The following P2RY8 variants were observed in gnomAD, a reference collection of about 807,000 sequenced individuals.
The protein encoded by P2RY8 is P2Y receptor family member 8, also known as S-geranylgeranyl-glutathione receptor P2RY8.
In P2RY8, 6 loss-of-function variants were observed where a neutral mutation model predicts 10.0. That is an observed-to-expected ratio of 0.60 (90% CI 0.33 to 1.19). The LOEUF (loss-of-function observed/expected upper bound fraction) is 1.19, where lower values mean the gene tolerates loss of function less well. Ranked by LOEUF, P2RY8 falls within the 50% of genes most tolerant of loss-of-function variation. The pLI is 0.04. For synonymous variants in P2RY8, 276 were observed against 252.5 expected (o/e 1.09, Z -0.88); for missense variants, 456 against 542.0 (o/e 0.84, Z 1.58).
intron 1 of P2RY8, among the ~76,000 whole-genome samples, chrX:1,512,016 G>A (rs2092300828): frequency 6.6e-6 from 1 of 152,022 alleles, no homozygotes; most frequent in Non-Finnish European, 1.5e-5. Flanking sequence ...CTAGCTCCTT[G>A]GTCCAGGGCT....
chrX:1,517,389 A>G (rs1264690755), intron 1 of P2RY8, among the ~76,000 whole-genome samples: 1 of 151,974 alleles, frequency 6.6e-6, no homozygotes, highest in African/African-American at 2.4e-5. Context: ...CTTTTAAACC[A>G]CCTCAGCCTT....
chrX:1,530,065 C>CTTCT (rs1556687043), intron 1 of P2RY8, among the ~76,000 whole-genome samples: 2 of 150,882 alleles, frequency 1.3e-5, no homozygotes, highest in East Asian at 3.9e-4. Flanking sequence ...GAGAATCTCT[C>CTTCT]CTCTCTCTCT....
chrX:1,500,028 T>G (rs2092160869), intron 1 of P2RY8, among the ~76,000 whole-genome samples: 1 of 114,456 alleles, frequency 8.7e-6, no homozygotes, highest in Non-Finnish European at 2.1e-5. Context: ...CCAGCTAATT[T>G]TTTGTATTTT....
At chrX:1,473,539 GGGTGGGTGGATGAATGGT>G (rs2091825647) in intron 1 of P2RY8, among the ~76,000 whole-genome samples, 1 of 128,102 alleles carries the variant, frequency 7.8e-6, no homozygotes, top group African/African-American at 2.6e-5. Flanking sequence ...ATGGATGGGT[GGGTGGGTGGATGAATGGT>G]AGGTGGGTTT....
At chrX:1,493,408 G>GAGGA (rs1556679230) in intron 1 of P2RY8, among the ~76,000 whole-genome samples, 2 of 15,038 alleles carry the variant, frequency 1.3e-4, no homozygotes, top group African/African-American at 2.2e-4. Context: ...AAGGAGGAAG[G>GAGGA]AGGAGGAAGG....
intron 1 of P2RY8, among the ~76,000 whole-genome samples, chrX:1,530,278 T>A (rs1355501658): frequency 4.1e-5 from 6 of 146,384 alleles, no homozygotes; most frequent in African/African-American, 1.6e-4. Context: ...ATTATCTATC[T>A]ATCTATCTAT....
rs1231158081 is a variant in P2RY8, at chrX:1,464,011, GC to G, written c.*1467del. On this transcript the variant is annotated 3_prime_UTR_variant, in exon 2 of 2. Transcript: ENST00000381297. ...ATTACTAAACCATCTCTGTTTTCCT[GC>G]CATAGTGATGACGGCAGGAGAGAGG... The G allele has an allele frequency of 8.6e-6, 2 of 233,152 alleles. No individual in the cohort carries two copies. The highest frequency in any genetic ancestry group is 4.4e-5 in the African/African-American group (2 of 45,336). 14.4% of individuals were successfully genotyped at this position (233,152 alleles called of 1,614,324 possible). A position where few individuals can be genotyped will look rare whatever the true frequency, so the allele number is the denominator to read the frequency against.
At chrX:1,505,987 C>CTTTTTTTT (rs542485545) in intron 1 of P2RY8, among the ~76,000 whole-genome samples, 11 of 108,840 alleles carry the variant, frequency 1.0e-4, no homozygotes, top group Non-Finnish European at 1.2e-4. Flanking sequence ...TTTCTTTCTT[C>CTTTTTTTT]TTTTTTTTTT....
chrX:1,463,375 G>A lies in P2RY8; in HGVS notation c.*2104C>T, dbSNP rs2091614148. On this transcript the variant is annotated 3_prime_UTR_variant, in exon 2 of 2. Transcript: ENST00000381297. ...CCAGTTCCCCCTGGAGGCTCTAGGG[G>A]AGGATCCTTCCTGCCTCTCCCAGCT... The A allele has an allele frequency of 4.3e-6, 1 of 232,766 alleles. No individual in the cohort carries two copies. The highest frequency in any genetic ancestry group is 1.8e-4 in the South Asian group (1 of 5,532). 14.4% of individuals were successfully genotyped at this position (232,766 alleles called of 1,614,324 possible).
At chrX:1,508,738 C>G (rs1470254987) in intron 1 of P2RY8, among the ~76,000 whole-genome samples, 1 of 148,304 alleles carries the variant, frequency 6.7e-6, no homozygotes, top group Non-Finnish European at 1.5e-5. Flanking sequence ...ATCTATCTAT[C>G]TATCTATCTA....
intron 1 of P2RY8, among the ~76,000 whole-genome samples, chrX:1,475,142 T>G (rs1426239205): frequency 2.1e-5 from 3 of 144,596 alleles, no homozygotes; most frequent in South Asian, 2.2e-4. Context: ...TGGATCAGTG[T>G]TTAGGTGGCT....
chrX:1,518,123 A>G (rs768689749), intron 1 of P2RY8, among the ~76,000 whole-genome samples: 1 of 144,494 alleles, frequency 6.9e-6, no homozygotes, highest in African/African-American at 2.6e-5. Context: ...AAAAAATAAA[A>G]AAATAAATAA....
chrX:1,530,530 A>G (rs1174714071), intron 1 of P2RY8, among the ~76,000 whole-genome samples: 1 of 148,136 alleles, frequency 6.8e-6, no homozygotes, highest in Non-Finnish European at 1.5e-5. Flanking sequence ...ATGTACGTAC[A>G]TATGTATGTA....
rs1189470045 is a variant in P2RY8 at position 1,521,942 on chromosome X, C to CTTT, written c.-25+14978_-25+14979insAAA. On this transcript the variant is annotated intron_variant, in intron 1 of 1. Coordinates refer to ENST00000381297, the MANE Select transcript of P2RY8 (RefSeq NM_178129.5). The stretch of plus-strand genomic sequence containing the variant: ...TATGTCTTTCTCTTTCTCTCTCGCT[C>CTTT]TCTTTTTTTTTTTTTTTTTTTTTTT... Among the ~76,000 whole-genome samples, 8 of 48,716 alleles carry CTTT rather than the reference C, an allele frequency of 1.6e-4. No homozygotes were observed. In the South Asian group the frequency reaches 3.3e-3, roughly 20 times the overall value. 32.0% of individuals were successfully genotyped at this position (48,716 alleles called of 152,430 possible).
chrX:1,527,574 T>C (rs1468142472), intron 1 of P2RY8, among the ~76,000 whole-genome samples: 1 of 151,816 alleles, frequency 6.6e-6, no homozygotes, highest in Admixed American at 6.6e-5. Context: ...TATTCCTTAT[T>C]CATCCACCTA....
intron 1 of P2RY8, among the ~76,000 whole-genome samples, chrX:1,469,790 T>G (rs1347678759): frequency 1.3e-5 from 2 of 151,872 alleles, no homozygotes; most frequent in East Asian, 1.9e-4. Context: ...TCCCAGCTAC[T>G]CGGGAGGCTG....
At chrX:1,488,128 G>A (rs2092004676) in intron 1 of P2RY8, among the ~76,000 whole-genome samples, 3 of 150,290 alleles carry the variant, frequency 2.0e-5, no homozygotes, top group African/African-American at 4.9e-5. Context: ...AAAAGAAGAA[G>A]AAGAGAAGTG....
chrX:1,512,968 G>T (rs2092310066), intron 1 of P2RY8, among the ~76,000 whole-genome samples: 1 of 151,966 alleles, frequency 6.6e-6, no homozygotes, highest in Non-Finnish European at 1.5e-5. Context: ...CCATTATCTA[G>T]GTTTTAAGCC....
At chrX:1,523,672 A>G (rs1445949504) in intron 1 of P2RY8, among the ~76,000 whole-genome samples, 2 of 152,080 alleles carry the variant, frequency 1.3e-5, no homozygotes, top group African/African-American at 4.8e-5. Flanking sequence ...TGAAGATGGT[A>G]AATTTATTAT....
Sources: allele counts gnomAD v4.1 joint callset (sites outside exome capture counted in the v4.1 genomes callset), GRCh38; gene constraint gnomAD v4.1.1; transcripts MANE v1.5; gene names NCBI Gene and HGNC (gene_info 2026-07-23, HGNC 2026-07-21).